STMN3: variants seen among roughly 807,000 people sequenced by gnomAD.
The protein encoded by STMN3 is stathmin 3, also known as stathmin-3.
In STMN3, 24 loss-of-function variants were observed where a neutral mutation model predicts 23.2. The observed-to-expected ratio is 1.03, with a 90% confidence interval of 0.75 to 1.45. The LOEUF (loss-of-function observed/expected upper bound fraction) is 1.45. Among genes scored for constraint, STMN3 ranks in the 40% most tolerant of loss-of-function variants. The probability of loss-of-function intolerance (pLI) is 0.00; values close to 1 mark genes in which losing one functional copy is unlikely to be tolerated. For synonymous variants in STMN3, 117 were observed against 103.4 expected (o/e 1.13, Z -0.80); for missense variants, 235 against 237.6 (o/e 0.99, Z 0.07).
Position 63,640,468 on chromosome 20 carries a change from C to G in STMN3, c.*870G>C, listed in dbSNP as rs2089750476. 1 of 152,108 alleles carries G rather than the reference C, an allele frequency of 6.6e-6. No individual in the cohort carries two copies. Among genetic ancestry groups the G allele is most frequent in the African/African-American group, 2.4e-5 (1 of 41,144 alleles). 9.4% of individuals were successfully genotyped at this position (152,108 alleles called of 1,614,324 possible). On this transcript the variant is annotated 3_prime_UTR_variant, in exon 5 of 5. Transcript: ENST00000370053. ...GGGGCTCCCTGAGGAGGACTTGTGG[C>G]TGCCGCTTCCACCAGGGCAGAGGGC... is the stretch of plus-strand genomic sequence containing the variant.
At chr20:63,646,316 G>T (rs183353897) in intron 1 of STMN3, among the ~76,000 whole-genome samples, 5 of 152,118 alleles carry the variant, frequency 3.3e-5, no homozygotes, top group East Asian at 3.9e-4. Context: ...GGGACCAGGT[G>T]GGGGAGCCTC....
In STMN3 at chr20:63,652,839, C is replaced by G; in HGVS notation, c.19+488G>C. ...CCGCCCCCCTCCTTCAGCGCCCCCTCCAGCCCCTGTGCTGCACTGGCGCGG... is the reference window on the plus strand; with the variant it reads ...CCGCCCCCCTCCTTCAGCGCCCCCTGCAGCCCCTGTGCTGCACTGGCGCGG... On this transcript the variant is annotated intron_variant, in intron 1 of 4. Transcript: ENST00000370053. The surrounding 1 kb of genome is among the most constrained non-coding windows in gnomAD (Gnocchi z 5.3). 5.2e-6 allele frequency: 5 copies of G among 968,112 alleles called. No homozygotes were observed. The highest frequency in any genetic ancestry group is 6.2e-5 in the Admixed American group (1 of 16,250). 60.0% of individuals were successfully genotyped at this position (968,112 alleles called of 1,614,324 possible). A position where few individuals can be genotyped will look rare whatever the true frequency, so the allele number is the denominator to read the frequency against.
intron 1 of STMN3, 65 bp downstream of exon 1, chr20:63,653,262 C>A (rs565526571): frequency 1.3e-6 from 2 of 1,520,296 alleles, no homozygotes; most frequent in Non-Finnish European, 1.8e-6. Context: ...CTGCCCCAGG[C>A]GAGGCCAGAC....
At position 63,643,779 on chromosome 20, in the gene STMN3, C is replaced by G. The variant is rs1363531575; in HGVS notation, c.268G>C (p.Glu90Gln). 11 of 1,553,286 alleles carry G rather than the reference C, an allele frequency of 7.1e-6. No homozygotes were observed. The Middle Eastern group carries it at 7.0e-4, about 99-fold the overall frequency. Reference protein sequence around the residue: ...TSLEELQKRLEAAEERRKTQE... With the variant: ...TSLEELQKRLQAAEERRKTQE... ...GCCTTCCTCCGCTCCTCGGCTGCCT[C>G]CAGCCGCTTTTGCAGCTCCTCCAGG... Residue 90 changes from glutamate (E) to glutamine (Q), a missense_variant, in exon 3 of 5, where the codon GAG becomes CAG. Physicochemically the swap from Glu to Gln is conservative, Grantham distance 29. Coordinates refer to ENST00000370053, the MANE Select transcript of STMN3 (RefSeq NM_015894.4).
chr20:63,648,515 C>A (rs930376884), intron 1 of STMN3, among the ~76,000 whole-genome samples: 4 of 152,156 alleles, frequency 2.6e-5, no homozygotes, highest in Non-Finnish European at 5.9e-5. Context: ...GCAGGAGGAT[C>A]GCTTGAGAAC....
chr20:63,647,765 C>T (rs1309190020), intron 1 of STMN3, among the ~76,000 whole-genome samples: 5 of 112,924 alleles, frequency 4.4e-5, no homozygotes, highest in African/African-American at 1.3e-4. Context: ...AATATATATA[C>T]ATATATACAC....
chr20:63,642,373 C>T, intron 3 of STMN3, 74 bp from the exon 4 acceptor site: 1 of 1,165,898 alleles, frequency 8.6e-7, no homozygotes, highest in East Asian at 3.3e-5. Context: ...CTGCTCTCCG[C>T]CTCCCGCCCA....
chr20:63,643,915 C>G lies in STMN3; in HGVS notation c.132G>C (p.Gln44His), dbSNP rs1301997605. The change falls in exon 3 of 5, where the codon CAG (glutamine) becomes CAC (histidine). Residue 44 changes from glutamine (Q) to histidine (H), a missense_variant. Transcript: ENST00000370053. Reference protein sequence around the residue: ...VYQYGDMEVKQLDKRASGQSF... With the variant: ...VYQYGDMEVKHLDKRASGQSF... ...TCTGGCCTGAGGCCCGCTTGTCCAG[C>G]TGCTTCACCTCCATGTCTGCAGGGC... 1 of 1,598,244 alleles carries G rather than the reference C, an allele frequency of 6.3e-7. No homozygotes were observed. Among genetic ancestry groups the G allele is most frequent in the Non-Finnish European group, 8.5e-7 (1 of 1,176,048 alleles).
At chr20:63,647,674 C>T (rs1198754992) in intron 1 of STMN3, among the ~76,000 whole-genome samples, 17 of 103,082 alleles carry the variant, frequency 1.6e-4, no homozygotes, top group African/African-American at 4.6e-4. Flanking sequence ...TATATATATA[C>T]GTATATATAC....
At chr20:63,646,289 A>G (rs2089808235) in intron 1 of STMN3, among the ~76,000 whole-genome samples, 1 of 152,062 alleles carries the variant, frequency 6.6e-6, no homozygotes, top group African/African-American at 2.4e-5. Flanking sequence ...CATTGTCTTC[A>G]GGGAGGGAGA....
At chr20:63,647,991 T>TATATAC (rs1288050001) in intron 1 of STMN3, among the ~76,000 whole-genome samples, 1,916 of 75,740 alleles carry the variant, frequency 0.025, 277 homozygotes, top group Middle Eastern at 0.05. Flanking sequence ...CATATATATA[T>TATATAC]ACAGAGAGAG....
At chr20:63,646,404 C>G (rs1414248201) in intron 1 of STMN3, among the ~76,000 whole-genome samples, 2 of 151,944 alleles carry the variant, frequency 1.3e-5, no homozygotes, top group African/African-American at 4.8e-5. Context: ...GCCCAGGCTG[C>G]AGTGCAGTGG....
At chr20:63,642,750 T>C (rs2089779210) in intron 3 of STMN3, among the ~76,000 whole-genome samples, 1 of 152,128 alleles carries the variant, frequency 6.6e-6, no homozygotes, top group South Asian at 2.1e-4. Context: ...CAGCTCCCAA[T>C]TAGGTGCCCA....
intron 1 of STMN3, among the ~76,000 whole-genome samples, chr20:63,649,820 G>A (rs1410045536): frequency 4.9e-5 from 7 of 143,184 alleles, no homozygotes; most frequent in Non-Finnish European, 3.0e-5. Context: ...GTGAGCCACC[G>A]CGCCTGGACT....
Position 63,641,324 on chromosome 20 carries a change from C to A in STMN3, c.*14G>T. 1 of 1,560,444 alleles carries A rather than the reference C, an allele frequency of 6.4e-7. No individual in the cohort carries two copies. The highest frequency in any genetic ancestry group is 2.3e-4 in the Middle Eastern group (1 of 4,396). On this transcript the variant is annotated 3_prime_UTR_variant, in exon 5 of 5. Coordinates refer to ENST00000370053, the MANE Select transcript of STMN3 (RefSeq NM_015894.4). ...GTGTTCTGTCGCAGGATGGGCGCCG[C>A]CCGTCCCGGGCCCTTAGCCCGACAT...
rs3831229 is a variant in STMN3 at position 63,640,570 on chromosome 20, C to CGGCGGGA, written c.*767_*768insTCCCGCC. On this transcript the variant is annotated 3_prime_UTR_variant, in exon 5 of 5. Coordinates refer to ENST00000370053, the MANE Select transcript of STMN3 (RefSeq NM_015894.4). ...TCTGCAAAGCCCTGGTGGGGAGGGG[C>CGGCGGGA]CTGGGCCAGAGGCTCTTTGGAACTC... 1.5e-5 allele frequency: 1 copy of CGGCGGGA among 67,564 alleles called. No homozygotes were observed. The highest frequency in any genetic ancestry group is 1.0e-4 in the African/African-American group (1 of 9,660). The allele number at this position is 67,564 out of a possible 1,614,324, so 4.2% of individuals were successfully genotyped here.
chr20:63,645,452 A>G (rs2089801879), intron 1 of STMN3, among the ~76,000 whole-genome samples: 1 of 152,134 alleles, frequency 6.6e-6, no homozygotes, highest in African/African-American at 2.4e-5. Flanking sequence ...CCTCTTGCCC[A>G]TTCAGGTCAA....
intron 1 of STMN3, among the ~76,000 whole-genome samples, chr20:63,651,527 G>A (rs1160920002): frequency 2.6e-5 from 4 of 152,192 alleles, no homozygotes; most frequent in African/African-American, 9.6e-5. Context: ...CATGGTGCCA[G>A]GAGCACAGCA....
At chr20:63,647,936 A>ATATGTGTGTG (rs1165301691) in intron 1 of STMN3, among the ~76,000 whole-genome samples, 2,588 of 80,728 alleles carry the variant, frequency 0.032, 165 homozygotes, top group South Asian at 0.053. Flanking sequence ...ATACGTATAT[A>ATATGTGTGTG]TGTGTGTGTG....
Sources: allele counts gnomAD v4.1 joint callset (sites outside exome capture counted in the v4.1 genomes callset), GRCh38; gene constraint gnomAD v4.1.1; non-coding constraint Gnocchi (gnomAD v3.1); transcripts MANE v1.5; gene names NCBI Gene and HGNC (gene_info 2026-07-23, HGNC 2026-07-21).